Variants in NCALD observed in about 807,000 individuals in gnomAD.
NCALD encodes the protein neurocalcin-delta.
NCALD carries 10 observed loss-of-function variants against 18.6 expected under a neutral mutation model. The observed-to-expected ratio is 0.54, with a 90% CI of 0.33 to 0.91. The LOEUF is 0.91. Ranked by LOEUF, NCALD falls within the 40% of genes least tolerant of loss-of-function variation. The pLI is 0.03. For synonymous variants in NCALD, 88 were observed against 87.4 expected, an observed-to-expected ratio of 1.01 and a Z score of -0.04; for missense variants, 184 against 247.6, an observed-to-expected ratio of 0.74 and a Z score of 1.72.
chr8:101,895,634 T>C (rs1349189241), intron 3 of NCALD, among the ~76,000 whole-genome samples: 3 of 147,572 alleles, frequency 2.0e-5, no homozygotes, highest in Non-Finnish European at 4.5e-5. Context: ...CAGCCCAAAA[T>C]CTCCTTAAGC....
chr8:102,088,801 T>C (rs1160322277), intron 1 of NCALD, among the ~76,000 whole-genome samples: 1 of 152,252 alleles, frequency 6.6e-6, no homozygotes, highest in Non-Finnish European at 1.5e-5. Flanking sequence ...GATAGATCTC[T>C]CTCAAAATCT....
chr8:101,845,191 T>C (rs867133032), intron 4 of NCALD, among the ~76,000 whole-genome samples: 7 of 152,316 alleles, frequency 4.6e-5, no homozygotes, highest in African/African-American at 1.2e-4. Context: ...AAAGTCTTAG[T>C]TTGAAAAAAT....
At chr8:101,843,171 A>G (rs984715154) in intron 4 of NCALD, among the ~76,000 whole-genome samples, 1 of 152,212 alleles carries the variant, frequency 6.6e-6, no homozygotes, top group Non-Finnish European at 1.5e-5. Context: ...CCTAGCATGT[A>G]ACACAGTACT....
chr8:101,991,924 G>T (rs1444024885), intron 2 of NCALD, among the ~76,000 whole-genome samples: 1 of 152,208 alleles, frequency 6.6e-6, no homozygotes, highest in Admixed American at 6.5e-5. Context: ...CTGGGGACTT[G>T]CCATGTCACT....
chr8:101,840,017 G>A (rs1586610786), intron 4 of NCALD, among the ~76,000 whole-genome samples: 1 of 152,006 alleles, frequency 6.6e-6, no homozygotes, highest in Non-Finnish European at 1.5e-5. Flanking sequence ...TTAATAGTAA[G>A]GAGCCTGGAG....
At chr8:102,027,163 T>C (rs971949972) in intron 1 of NCALD, among the ~76,000 whole-genome samples, 1 of 152,234 alleles carries the variant, frequency 6.6e-6, no homozygotes, top group Non-Finnish European at 1.5e-5. Flanking sequence ...ATTTCCCCAT[T>C]GTCTTGGTGA....
intron 1 of NCALD, among the ~76,000 whole-genome samples, chr8:101,749,502 C>T (rs1810563074): frequency 6.6e-6 from 1 of 152,168 alleles, no homozygotes; most frequent in Non-Finnish European, 1.5e-5. Context: ...TGGGTGAGAG[C>T]CCTGCTTTTC....
chr8:102,032,818 C>G (rs1260575211), intron 1 of NCALD, among the ~76,000 whole-genome samples: 4 of 152,126 alleles, frequency 2.6e-5, no homozygotes, highest in African/African-American at 9.6e-5. Flanking sequence ...TCCCAGCCAC[C>G]CTAGTAACTT....
At chr8:101,899,850 C>G (rs148218003) in intron 3 of NCALD, among the ~76,000 whole-genome samples, 19 of 151,774 alleles carry the variant, frequency 1.3e-4, no homozygotes, top group Non-Finnish European at 1.9e-4. Context: ...TGTGCTTTTT[C>G]TAGTTTTGGT....
chr8:101,701,463 AGC>A (rs1815263383), intron 2 of NCALD, among the ~76,000 whole-genome samples: 1 of 152,186 alleles, frequency 6.6e-6, no homozygotes, highest in Non-Finnish European at 1.5e-5. Flanking sequence ...CCAGGAGCCC[AGC>A]CCTGACTCTG....
intron 1 of NCALD, among the ~76,000 whole-genome samples, chr8:102,038,407 G>T (rs1434351452): frequency 6.6e-6 from 1 of 152,140 alleles, no homozygotes; most frequent in Non-Finnish European, 1.5e-5. Flanking sequence ...TCTGCATGGG[G>T]CTTGCAGAGT....
intron 1 of NCALD, among the ~76,000 whole-genome samples, chr8:102,057,203 C>T (rs1030197846): frequency 1.3e-5 from 2 of 151,596 alleles, no homozygotes; most frequent in African/African-American, 4.9e-5. Context: ...TCTGGGCCTT[C>T]GCACATGGTT....
intron 1 of NCALD, among the ~76,000 whole-genome samples, chr8:101,748,469 T>A (rs1333730592): frequency 6.6e-6 from 1 of 152,192 alleles, no homozygotes. Context: ...AAAAACTTAG[T>A]GGAGAAAGTG....
At chr8:101,872,086 A>T in intron 4 of NCALD, 1 of 1,529,324 alleles carries the variant, frequency 6.5e-7, no homozygotes, top group East Asian at 2.3e-5. Flanking sequence ...ATAATTGGGT[A>T]TGCAGGTGGT....
Position 101,824,286 on chromosome 8 carries a change from G to A in NCALD, c.-20+62855C>T, listed in dbSNP as rs148222520. ...AGCTTCCACTGGCCTTTTGTACCAG[G>A]GTCCTGATGGGGCCCAACGCTGTGT... On this transcript the variant is annotated intron_variant, in intron 4 of 6. Coordinates refer to the NCALD transcript ENST00000311028. Among the ~76,000 whole-genome samples, 934 of 152,108 alleles carry A rather than the reference G, an allele frequency of 6.1e-3. 8 individuals are homozygous for A. Among genetic ancestry groups the A allele is most frequent in the Middle Eastern group, 0.024 (7 of 290 alleles).
At chr8:101,973,199 C>T (rs570105466) in intron 2 of NCALD, among the ~76,000 whole-genome samples, 2 of 152,252 alleles carry the variant, frequency 1.3e-5, no homozygotes, top group East Asian at 3.9e-4. Flanking sequence ...TTAGTGTTTA[C>T]TTAATATCCT....
chr8:101,794,577 C>T (rs568314476), upstream of NCALD, among the ~76,000 whole-genome samples: 5 of 152,246 alleles, frequency 3.3e-5, no homozygotes, highest in African/African-American at 9.6e-5. Flanking sequence ...ATGTATTTAA[C>T]GGTTCTTGCT....
At chr8:101,720,069 G>C (rs1259370596) in intron 1 of NCALD, among the ~76,000 whole-genome samples, 1 of 152,168 alleles carries the variant, frequency 6.6e-6, no homozygotes, top group Non-Finnish European at 1.5e-5. Context: ...GAAAATTAAA[G>C]GAAAGGAGGA....
chr8:102,002,508 G>A lies in NCALD; in HGVS notation c.-157+17729C>T, dbSNP rs201799443. Reference sequence around the variant, plus strand: ...ACAAGGATATCCAGGAATTGAACTCGGCTCTGCACCAAGCAGACCTAATAG... The same window carrying A: ...ACAAGGATATCCAGGAATTGAACTCAGCTCTGCACCAAGCAGACCTAATAG... On this transcript the variant is annotated intron_variant, in intron 2 of 6. Coordinates refer to the NCALD transcript ENST00000311028. Among the ~76,000 whole-genome samples, 32 of 152,108 alleles carry A rather than the reference G, an allele frequency of 2.1e-4. No individual in the cohort carries two copies. In the Middle Eastern group the frequency reaches 0.014, roughly 65 times the overall value.
Sources: gnomAD v4.1 joint callset for allele counts (sites outside exome capture counted in the v4.1 genomes callset) on GRCh38, gnomAD v4.1.1 for gene constraint, MANE v1.5 for transcripts, NCBI Gene and HGNC (gene_info 2026-07-23, HGNC 2026-07-21) for gene names.